KLHL29: variants seen among roughly 807,000 people sequenced by gnomAD.
KLHL29 encodes the protein kelch-like protein 29.
KLHL29 carries 21 observed loss-of-function variants against 80.4 expected under a neutral mutation model. That is an observed-to-expected ratio of 0.26 (90% CI 0.19 to 0.38). The LOEUF is 0.38. KLHL29 is among the 10% of genes least tolerant of loss of function. KLHL29 has a pLI of 1.00. For missense variants in KLHL29, 867 were observed against 1,223.9 expected (o/e 0.71, Z 4.35); for synonymous variants, 511 against 526.8 (o/e 0.97, Z 0.41).
intron 1 of KLHL29, among the ~76,000 whole-genome samples, chr2:23,471,117 G>C (rs956847276): frequency 6.6e-6 from 1 of 152,196 alleles, no homozygotes; most frequent in Non-Finnish European, 1.5e-5. Flanking sequence ...ACAGTTTACA[G>C]CCTCCAGTTC....
intron 1 of KLHL29, among the ~76,000 whole-genome samples, chr2:23,473,548 G>A (rs545959084): frequency 6.6e-6 from 1 of 152,182 alleles, no homozygotes; most frequent in South Asian, 2.1e-4. Context: ...AGATGGAAGG[G>A]CAAGGCCACT....
intron 2 of KLHL29, among the ~76,000 whole-genome samples, chr2:23,532,368 C>G (rs1426696976): frequency 2.6e-5 from 4 of 152,248 alleles, no homozygotes; most frequent in Admixed American, 6.5e-5. Flanking sequence ...AGAAAAAGTA[C>G]TCTGGTTTGC....
chr2:23,455,877 A>G (rs1664036377), intron 1 of KLHL29, among the ~76,000 whole-genome samples: 1 of 152,124 alleles, frequency 6.6e-6, no homozygotes, highest in African/African-American at 2.4e-5. Flanking sequence ...CTGTATTTGG[A>G]CATAGGGCCT....
chr2:23,631,747 C>T (rs1669474387), intron 3 of KLHL29, among the ~76,000 whole-genome samples: 1 of 152,206 alleles, frequency 6.6e-6, no homozygotes, highest in Admixed American at 6.5e-5. Context: ...CACAGATTTC[C>T]AGCTTTGGTG....
At chr2:23,594,710 A>G (rs2103518571) in intron 3 of KLHL29, among the ~76,000 whole-genome samples, 1 of 152,314 alleles carries the variant, frequency 6.6e-6, no homozygotes, top group South Asian at 2.1e-4. Context: ...GAGTCAATGC[A>G]CACACAACTC....
intron 1 of KLHL29, among the ~76,000 whole-genome samples, chr2:23,474,859 T>C (rs1489244980): frequency 1.3e-5 from 2 of 152,178 alleles, no homozygotes; most frequent in African/African-American, 4.8e-5. Flanking sequence ...GATTCCCAGG[T>C]AATGACAGTC....
chr2:23,674,681 G>A (rs944706115), intron 5 of KLHL29, among the ~76,000 whole-genome samples: 2 of 152,104 alleles, frequency 1.3e-5, no homozygotes, highest in African/African-American at 4.8e-5. Context: ...AGGAGGAGGA[G>A]TGAGACCCAC....
intron 1 of KLHL29, among the ~76,000 whole-genome samples, chr2:23,450,713 TTAA>T (rs936165450): frequency 2.6e-5 from 4 of 152,146 alleles, no homozygotes; most frequent in African/African-American, 4.8e-5. Flanking sequence ...TTTAACTAAG[TTAA>T]TAATAATAAT....
At chr2:23,517,731 G>T (rs747479857) in intron 2 of KLHL29, among the ~76,000 whole-genome samples, 1 of 152,168 alleles carries the variant, frequency 6.6e-6, no homozygotes, top group Non-Finnish European at 1.5e-5. Flanking sequence ...TGAATGGATG[G>T]CTGCCCAGGG....
chr2:23,706,453 TA>T, intron 13 of KLHL29, 27 bp from the exon 14 acceptor site: 2 of 1,442,402 alleles, frequency 1.4e-6, no homozygotes, highest in South Asian at 2.9e-5. Context: ...GTGAAATGCC[TA>T]ACTCTGTCCC....
At chr2:23,440,647 C>A (rs1179161950) in intron 1 of KLHL29, among the ~76,000 whole-genome samples, 2 of 150,976 alleles carry the variant, frequency 1.3e-5, no homozygotes, top group East Asian at 1.9e-4. Flanking sequence ...AAACAAACAA[C>A]CCCATCAAAA....
chr2:23,586,690 G>A (rs1034865666), intron 3 of KLHL29, among the ~76,000 whole-genome samples: 1 of 152,174 alleles, frequency 6.6e-6, no homozygotes, highest in African/African-American at 2.4e-5. Context: ...AGGATCGGGG[G>A]ATGACCTCAG....
intron 2 of KLHL29, among the ~76,000 whole-genome samples, chr2:23,534,013 A>G (rs1339052376): frequency 6.6e-6 from 1 of 151,496 alleles, no homozygotes; most frequent in East Asian, 1.9e-4. Flanking sequence ...AGTCCTCCTG[A>G]TATTTTAATT....
chr2:23,400,848 G>A (rs111704827), intron 1 of KLHL29, among the ~76,000 whole-genome samples: 95 of 152,294 alleles, frequency 6.2e-4, no homozygotes, highest in African/African-American at 2.1e-3. Flanking sequence ...TGGTATGGGA[G>A]GGGGAAAGCT....
chr2:23,581,422 G>A (rs890935463), intron 3 of KLHL29, among the ~76,000 whole-genome samples: 1 of 152,210 alleles, frequency 6.6e-6, no homozygotes, highest in Non-Finnish European at 1.5e-5. Context: ...CTTCCCTAAT[G>A]TCAATGACTC....
chr2:23,636,831 A>T (rs1244494196), intron 3 of KLHL29, among the ~76,000 whole-genome samples: 1 of 152,180 alleles, frequency 6.6e-6, no homozygotes, highest in Non-Finnish European at 1.5e-5. Flanking sequence ...GAACTCCTGA[A>T]GTTTTAGCGC....
At chr2:23,598,771 G>T (rs1668492193) in intron 3 of KLHL29, among the ~76,000 whole-genome samples, 1 of 152,214 alleles carries the variant, frequency 6.6e-6, no homozygotes, top group African/African-American at 2.4e-5. Context: ...TGGCCCCTGG[G>T]CTGTCTTTCT....
chr2:23,602,864 C>T (rs1668608181), intron 3 of KLHL29, among the ~76,000 whole-genome samples: 2 of 152,188 alleles, frequency 1.3e-5, no homozygotes, highest in Admixed American at 6.5e-5. Flanking sequence ...AGGGGAGCCA[C>T]ACCCCATTGG....
At chr2:23,429,519 G>A (rs902973568) in intron 1 of KLHL29, among the ~76,000 whole-genome samples, 2 of 152,204 alleles carry the variant, frequency 1.3e-5, no homozygotes, top group African/African-American at 2.4e-5. Context: ...TTGGGAGGCC[G>A]AGGTGGGCGG....
Sources: allele counts gnomAD v4.1 joint callset (sites outside exome capture counted in the v4.1 genomes callset), GRCh38; gene constraint gnomAD v4.1.1; transcripts MANE v1.5; gene names NCBI Gene and HGNC (gene_info 2026-07-23, HGNC 2026-07-21).